Variants in NALCN observed in about 807,000 individuals in gnomAD.
The protein encoded by NALCN is sodium leak channel, non-selective.
In NALCN, 111 loss-of-function variants were observed where a neutral mutation model predicts 225.3. The ratio of observed to expected loss-of-function variants is 0.49; its 90% CI spans 0.42 to 0.58. NALCN has a LOEUF of 0.58. NALCN is among the 20% of genes least tolerant of loss of function. NALCN has a pLI of 0.00. For missense variants in NALCN, 1,378 were observed against 2,202.4 expected, an observed-to-expected ratio of 0.63 and a Z score of 7.49; for synonymous variants, 764 against 769.0, an observed-to-expected ratio of 0.99 and a Z score of 0.11.
chr13:101,055,703 G>GA (rs897136158), intron 43 of NALCN, among the ~76,000 whole-genome samples: 4 of 151,516 alleles, frequency 2.6e-5, no homozygotes, highest in African/African-American at 4.9e-5. Context: ...TGTCATTTGG[G>GA]AAAAAAACGT....
chr13:101,186,188 A>T (rs1303756357), intron 14 of NALCN, among the ~76,000 whole-genome samples: 1 of 152,206 alleles, frequency 6.6e-6, no homozygotes, highest in Non-Finnish European at 1.5e-5. Flanking sequence ...TGGGAAGCAG[A>T]TGTTTATTGA....
intron 2 of NALCN, among the ~76,000 whole-genome samples, chr13:101,396,781 TTTTAG>T (rs1412587331): frequency 3.3e-5 from 5 of 152,044 alleles, no homozygotes; most frequent in Middle Eastern, 3.2e-3. Context: ...ACAAAAGTGT[TTTTAG>T]TTTAAAGACA....
chr13:101,146,283 A>T (rs1380703096), intron 15 of NALCN, among the ~76,000 whole-genome samples: 1 of 152,142 alleles, frequency 6.6e-6, no homozygotes, highest in African/African-American at 2.4e-5. Flanking sequence ...TTAGATGGTA[A>T]TCTTATTTGG....
chr13:101,059,751 ATTTATT>A (rs1465483203), intron 42 of NALCN, 61 bp downstream of exon 42: 10 of 1,443,510 alleles, frequency 6.9e-6, no homozygotes, highest in African/African-American at 1.4e-5. Context: ...CACCCATTTT[ATTTATT>A]TTTATTAAAA....
At chr13:101,402,198 A>C (rs184769170) in intron 1 of NALCN, among the ~76,000 whole-genome samples, 1 of 152,238 alleles carries the variant, frequency 6.6e-6, no homozygotes, top group Non-Finnish European at 1.5e-5. Flanking sequence ...TTCATAAGAC[A>C]GTACACAAAG....
intron 10 of NALCN, among the ~76,000 whole-genome samples, chr13:101,274,600 T>C (rs936710101): frequency 1.3e-5 from 2 of 152,262 alleles, no homozygotes; most frequent in Non-Finnish European, 2.9e-5. Flanking sequence ...TTTATCTGTG[T>C]TTCTAAATTA....
intron 7 of NALCN, among the ~76,000 whole-genome samples, chr13:101,333,966 T>C (rs532504243): frequency 6.7e-6 from 1 of 150,094 alleles, no homozygotes; most frequent in Non-Finnish European, 1.5e-5. Flanking sequence ...AATTTTCAAT[T>C]ACTAAATTTC....
At chr13:101,289,285 A>G (rs1026314180) in intron 9 of NALCN, among the ~76,000 whole-genome samples, 2 of 152,080 alleles carry the variant, frequency 1.3e-5, no homozygotes, top group South Asian at 2.1e-4. Context: ...TTCCAGTTAC[A>G]TGTTATATTA....
At chr13:101,301,712 C>G (rs1447443646) in intron 7 of NALCN, among the ~76,000 whole-genome samples, 18 of 142,240 alleles carry the variant, frequency 1.3e-4, no homozygotes, top group Admixed American at 1.2e-3. Context: ...CAGAGCAAGA[C>G]TCTGTCTCAA....
Position 101,103,261 on chromosome 13 carries a change from A to G in NALCN, c.2968T>C (p.Cys990Arg), listed in dbSNP as rs373319928. 4.3e-6 allele frequency: 7 copies of G among 1,614,016 alleles called. No individual in the cohort carries two copies. Among genetic ancestry groups the G allele is most frequent in the Non-Finnish European group, 1.7e-6 (2 of 1,179,914 alleles). The change falls in exon 26 of 44, where the codon TGC becomes CGC. Residue 990 changes from cysteine to arginine, a missense_variant. Physicochemically the swap from Cys to Arg is radical, Grantham distance 180. This residue lies in a region of NALCN where 292 missense variants were observed against 409.5 expected (regional missense o/e 0.71). Coordinates refer to ENST00000251127, the MANE Select transcript of NALCN (RefSeq NM_052867.4). Reference protein sequence around the residue: ...SGAQLLMVLRCLRPLRIFKLV... With the variant: ...SGAQLLMVLRRLRPLRIFKLV... ...TTGAATATGCGCAGAGGTCTCAGGCACCGAAGGACCATTAGAAGCTGAGCT... is the reference window on the plus strand; with the variant it reads ...TTGAATATGCGCAGAGGTCTCAGGCGCCGAAGGACCATTAGAAGCTGAGCT...
At chr13:101,124,204 G>C (rs1018517748) in intron 18 of NALCN, among the ~76,000 whole-genome samples, 1 of 151,852 alleles carries the variant, frequency 6.6e-6, no homozygotes, top group African/African-American at 2.4e-5. Context: ...TATTATTTCC[G>C]GATTTTTAAT....
intron 3 of NALCN, among the ~76,000 whole-genome samples, chr13:101,386,429 C>G (rs2046988476): frequency 6.6e-6 from 1 of 152,102 alleles, no homozygotes; most frequent in African/African-American, 2.4e-5. Context: ...TGTTTCCCTT[C>G]TCCAAGGACA....
intron 11 of NALCN, among the ~76,000 whole-genome samples, chr13:101,257,093 T>C (rs1266950497): frequency 6.6e-6 from 1 of 152,144 alleles, no homozygotes; most frequent in Non-Finnish European, 1.5e-5. Context: ...AATCCATTCA[T>C]CGTGTGCTGG....
At chr13:101,108,818 T>C (rs2035280627) in intron 20 of NALCN, among the ~76,000 whole-genome samples, 1 of 152,224 alleles carries the variant, frequency 6.6e-6, no homozygotes, top group African/African-American at 2.4e-5. Context: ...TAATTATCTG[T>C]GTCTGCTATC....
Position 101,382,703 on chromosome 13 carries a change from C to T in NALCN, c.292-4050G>A, listed in dbSNP as rs79919248. On this transcript the variant is annotated intron_variant, in intron 3 of 43. Transcript: ENST00000251127. ...TAGAAGCATACAAACATCTTAATTT[C>T]GAACGACCTCAGTTATAAAAACTGG... Among the ~76,000 whole-genome samples, 686 of 152,220 alleles carry T rather than the reference C, an allele frequency of 4.5e-3. 5 individuals carry two copies. Among genetic ancestry groups the T allele is most frequent in the African/African-American group, 0.016 (651 of 41,524 alleles).
At chr13:101,181,308 G>GC (rs1231558554) in intron 14 of NALCN, 2 of 519,002 alleles carry the variant, frequency 3.9e-6, no homozygotes, top group Non-Finnish European at 7.7e-6. Flanking sequence ...CGTCTTGAGT[G>GC]CCACAGAGGT....
At chr13:101,315,334 C>A (rs1453053629) in intron 7 of NALCN, among the ~76,000 whole-genome samples, 1 of 152,094 alleles carries the variant, frequency 6.6e-6, no homozygotes, top group African/African-American at 2.4e-5. Flanking sequence ...TCAGTTCCAA[C>A]CAGATTTCTT....
chr13:101,365,162 C>A (rs1010717295), intron 6 of NALCN, among the ~76,000 whole-genome samples: 1 of 152,064 alleles, frequency 6.6e-6, no homozygotes, highest in Non-Finnish European at 1.5e-5. Flanking sequence ...AAGCATAGCA[C>A]CCGATAGGTA....
intron 7 of NALCN, among the ~76,000 whole-genome samples, chr13:101,343,882 G>A (rs1174720286): frequency 6.6e-6 from 1 of 152,180 alleles, no homozygotes; most frequent in African/African-American, 2.4e-5. Context: ...ATTAAAAACG[G>A]TGAGGGTATG....
Sources: gnomAD v4.1 joint callset for allele counts (sites outside exome capture counted in the v4.1 genomes callset) on GRCh38, gnomAD v4.1.1 for gene constraint, gnomAD v4.1.1 regional missense constraint, MANE v1.5 for transcripts, NCBI Gene and HGNC (gene_info 2026-07-23, HGNC 2026-07-21) for gene names.